The following GLI3 variants were observed in gnomAD, a reference collection of about 807,000 sequenced individuals.
GLI3 encodes the protein GLI family zinc finger 3.
Under a neutral mutation model 100.8 loss-of-function variants are expected in GLI3, and 20 were observed. The ratio of observed to expected loss-of-function variants is 0.20; its 90% CI spans 0.14 to 0.29. The LOEUF is 0.29. GLI3 is among the 10% of genes least tolerant of loss of function. GLI3 has a pLI of 1.00. For synonymous variants in GLI3, 938 were observed against 860.5 expected (o/e 1.09, Z -1.58); for missense variants, 2,040 against 2,128.5 (o/e 0.96, Z 0.82).
chr7:42,182,660 A>ATATATATATATATATACATGTG (rs1554337034), intron 2 of GLI3, among the ~76,000 whole-genome samples: 20 of 59,104 alleles, frequency 3.4e-4, no homozygotes, highest in Middle Eastern at 7.8e-3. Flanking sequence ...ATATATATAT[A>ATATATATATATATATACATGTG]TATATATATA....
At chr7:42,063,066 C>T (rs954454458) in intron 4 of GLI3, among the ~76,000 whole-genome samples, 1 of 152,154 alleles carries the variant, frequency 6.6e-6, no homozygotes, top group Non-Finnish European at 1.5e-5. Context: ...ATAACCATCA[C>T]ACAACACATG....
At chr7:42,226,823 G>A (rs1269801071) in intron 1 of GLI3, among the ~76,000 whole-genome samples, 4 of 152,178 alleles carry the variant, frequency 2.6e-5, no homozygotes, top group Non-Finnish European at 1.5e-5. Context: ...TCATCAAACT[G>A]TGGGTGAAGA....
At chr7:42,254,161 G>A (rs1160229252) in intron 1 of GLI3, among the ~76,000 whole-genome samples, 1 of 148,144 alleles carries the variant, frequency 6.8e-6, no homozygotes, top group East Asian at 2.0e-4. Context: ...GGAGGTTGCA[G>A]TGAGCCGAGA....
chr7:42,200,478 G>A (rs557022144), intron 2 of GLI3, among the ~76,000 whole-genome samples: 63 of 152,272 alleles, frequency 4.1e-4, no homozygotes, highest in Middle Eastern at 3.4e-3. Flanking sequence ...GCCAGAGAAC[G>A]CTCCACTACC....
At chr7:42,067,959 A>C (rs1249749690) in intron 4 of GLI3, among the ~76,000 whole-genome samples, 1 of 152,234 alleles carries the variant, frequency 6.6e-6, no homozygotes, top group Non-Finnish European at 1.5e-5. Context: ...TCTGTCACTT[A>C]TAAACATGTG....
rs927010345 is a variant in GLI3 at position 42,148,886 on chromosome 7, G to T, written c.125-418C>A. On this transcript the variant is annotated intron_variant, in intron 2 of 14. Coordinates refer to ENST00000395925, the MANE Select transcript of GLI3 (RefSeq NM_000168.6). ...CCCTTTGCCTGCCTGGGGACGCGGG[G>T]CCTCCGGGGTGACACAAAGTCCTTC... Among the ~76,000 whole-genome samples, 13 of 152,308 alleles carry T rather than the reference G, an allele frequency of 8.5e-5. No individual in the cohort carries two copies. In the East Asian group the frequency reaches 1.7e-3, roughly 20 times the overall value.
chr7:42,182,219 A>G (rs1239465194), intron 2 of GLI3, among the ~76,000 whole-genome samples: 6 of 152,204 alleles, frequency 3.9e-5, no homozygotes, highest in African/African-American at 1.4e-4. Flanking sequence ...AAATACGGCC[A>G]GTATGACTAG....
At chr7:42,033,229 C>T (rs1583495154) in intron 7 of GLI3, among the ~76,000 whole-genome samples, 1 of 152,344 alleles carries the variant, frequency 6.6e-6, no homozygotes, top group Non-Finnish European at 1.5e-5. Flanking sequence ...TGTGGCACTT[C>T]TGGATTCTTG....
chr7:42,137,138 T>A (rs1186326885), intron 3 of GLI3, among the ~76,000 whole-genome samples: 1 of 152,178 alleles, frequency 6.6e-6, no homozygotes, highest in Non-Finnish European at 1.5e-5. Context: ...ATTTAGTGAC[T>A]TCAAGAGCAA....
chr7:42,067,741 G>A (rs1784703811), intron 4 of GLI3, among the ~76,000 whole-genome samples: 1 of 151,986 alleles, frequency 6.6e-6, no homozygotes, highest in Non-Finnish European at 1.5e-5. Context: ...GTGCTTCCAG[G>A]CAATGAGGGA....
upstream of GLI3, among the ~76,000 whole-genome samples, chr7:42,241,283 G>A (rs1788922363): frequency 6.6e-6 from 1 of 152,166 alleles, no homozygotes; most frequent in South Asian, 2.1e-4. Context: ...CAATCTGAGA[G>A]TTTGCATTCC....
intron 3 of GLI3, among the ~76,000 whole-genome samples, chr7:42,091,595 C>G (rs1211101908): frequency 6.6e-6 from 1 of 152,194 alleles, no homozygotes; most frequent in Non-Finnish European, 1.5e-5. Context: ...TTGTTTAGAC[C>G]GAACACAGCA....
intron 2 of GLI3, among the ~76,000 whole-genome samples, chr7:42,161,750 A>G (rs1163886047): frequency 2.0e-5 from 3 of 152,242 alleles, no homozygotes; most frequent in African/African-American, 7.2e-5. Context: ...ATTTGTTAAT[A>G]GGGATGAAAG....
intron 2 of GLI3, among the ~76,000 whole-genome samples, chr7:42,191,658 ATAT>A (rs1787830370): frequency 2.6e-5 from 3 of 115,288 alleles, no homozygotes; most frequent in African/African-American, 6.8e-5. Flanking sequence ...TTCAAAAAAT[ATAT>A]ATATATATAT....
chr7:42,054,393 CA>C (rs1312609657), intron 4 of GLI3, among the ~76,000 whole-genome samples: 1 of 152,164 alleles, frequency 6.6e-6, no homozygotes, highest in African/African-American at 2.4e-5. Flanking sequence ...GAGCATTAAA[CA>C]AGGTTTACAT....
chr7:42,089,111 G>C (rs2128755928), intron 3 of GLI3, among the ~76,000 whole-genome samples: 1 of 152,332 alleles, frequency 6.6e-6, no homozygotes, highest in East Asian at 1.9e-4. Context: ...CCTAAGGACA[G>C]AGAACATGGT....
chr7:42,249,869 C>A (rs181115794), intron 1 of GLI3, among the ~76,000 whole-genome samples: 1 of 152,000 alleles, frequency 6.6e-6, no homozygotes, highest in Non-Finnish European at 1.5e-5. Flanking sequence ...CTGAGTTGGG[C>A]GAATCACTTG....
chr7:42,176,859 G>A (rs562477558), intron 2 of GLI3, among the ~76,000 whole-genome samples: 2 of 152,252 alleles, frequency 1.3e-5, no homozygotes, highest in Admixed American at 6.5e-5. Flanking sequence ...GCACAGGATC[G>A]CTTCCCTCTC....
intron 3 of GLI3, among the ~76,000 whole-genome samples, chr7:42,106,507 T>C (rs1054968026): frequency 3.9e-5 from 6 of 152,184 alleles, no homozygotes; most frequent in African/African-American, 1.4e-4. Context: ...CCAGGTAAGG[T>C]GGGCCTCCCT....
Sources: gnomAD v4.1 joint callset for allele counts (sites outside exome capture counted in the v4.1 genomes callset) on GRCh38, gnomAD v4.1.1 for gene constraint, MANE v1.5 for transcripts, NCBI Gene and HGNC (gene_info 2026-07-23, HGNC 2026-07-21) for gene names.